Variants in KIFC3 observed in about 807,000 individuals in gnomAD.
KIFC3 encodes kinesin-like protein KIFC3.
Under a neutral mutation model 101.8 loss-of-function variants are expected in KIFC3, and 60 were observed. That is an observed-to-expected ratio of 0.59 (90% CI 0.48 to 0.73). The LOEUF (loss-of-function observed/expected upper bound fraction) is 0.73, where lower values mean the gene tolerates loss of function less well. Among genes scored for constraint, KIFC3 ranks in the 30% least tolerant of loss-of-function variants. The probability of loss-of-function intolerance (pLI) is 0.00; values close to 1 mark genes in which losing one functional copy is unlikely to be tolerated. For synonymous variants in KIFC3, 476 were observed against 482.7 expected (o/e 0.99, Z 0.18); for missense variants, 966 against 1,137.1 (o/e 0.85, Z 2.16).
At chr16:57,781,590 A>T (rs555604704) in intron 3 of KIFC3, among the ~76,000 whole-genome samples, 22 of 152,302 alleles carry the variant, frequency 1.4e-4, no homozygotes, top group African/African-American at 4.8e-4. Context: ...CTCTCAGTAA[A>T]TACAAACACC....
intron 1 of KIFC3, among the ~76,000 whole-genome samples, chr16:57,833,599 C>T (rs1009115230): frequency 5.9e-5 from 9 of 152,156 alleles, no homozygotes; most frequent in Non-Finnish European, 1.3e-4. Context: ...TCCCAGGACC[C>T]AGAGATCGGG....
At chr16:57,816,336 G>A (rs1555628814) in intron 1 of KIFC3, 1 of 1,072,406 alleles carries the variant, frequency 9.3e-7, no homozygotes, top group South Asian at 1.3e-5. Flanking sequence ...TGTGTCTTCA[G>A]GATCCTGGGG....
At chr16:57,778,049 T>A (rs575795678) in intron 3 of KIFC3, among the ~76,000 whole-genome samples, 1 of 152,058 alleles carries the variant, frequency 6.6e-6, no homozygotes, top group South Asian at 2.1e-4. Context: ...GAGGCCAAGG[T>A]AGGAGGAGTG....
intron 11 of KIFC3, chr16:57,764,525 G>A (rs2148883639): frequency 4.6e-6 from 2 of 431,454 alleles, no homozygotes; most frequent in Non-Finnish European, 8.5e-6. Context: ...CTCAGCACAA[G>A]GAAGGTGGAG....
At chr16:57,811,793 G>A (rs1234498462) in intron 1 of KIFC3, among the ~76,000 whole-genome samples, 3 of 151,782 alleles carry the variant, frequency 2.0e-5, no homozygotes, top group African/African-American at 7.3e-5. Context: ...GCATAAGCTT[G>A]TAAACCCAGC....
chr16:57,765,027 G>C (rs930451867), intron 11 of KIFC3, among the ~76,000 whole-genome samples: 23 of 151,626 alleles, frequency 1.5e-4, no homozygotes, highest in African/African-American at 4.1e-4. Flanking sequence ...TGAATGGGAG[G>C]ACCCAAAGCC....
At chr16:57,836,666 A>G (rs1014750521) in intron 1 of KIFC3, among the ~76,000 whole-genome samples, 1 of 152,134 alleles carries the variant, frequency 6.6e-6, no homozygotes, top group Non-Finnish European at 1.5e-5. Flanking sequence ...TCAGCCCTTT[A>G]TGGGACATCT....
At chr16:57,768,509 TCACACA>T (rs61591593) in intron 9 of KIFC3, among the ~76,000 whole-genome samples, 11 of 139,024 alleles carry the variant, frequency 7.9e-5, no homozygotes, top group African/African-American at 1.1e-4. Context: ...CCATATATTC[TCACACA>T]CACACACACA....
In KIFC3 at chr16:57,846,747, A is replaced by G. The variant is rs532936350; in HGVS notation, c.108+15982T>C. Among the ~76,000 whole-genome samples the G allele has an allele frequency of 2.0e-5, 3 of 152,246 alleles. No homozygotes were observed. The South Asian group carries it at 6.2e-4, about 32-fold the overall frequency. On this transcript the variant is annotated intron_variant, in intron 1 of 2. Transcript: ENST00000563028. ...TAGGTACAATTTCTTTCCCAAACAA[A>G]CACTCACGTATTGGGTTTTGAGAAA...
chr16:57,849,644 T>A (rs2056006408), intron 1 of KIFC3, among the ~76,000 whole-genome samples: 1 of 152,182 alleles, frequency 6.6e-6, no homozygotes, highest in South Asian at 2.1e-4. Flanking sequence ...GGCTGATGCC[T>A]GTAATTCCAG....
At chr16:57,806,607 A>G (rs2054943444), upstream of KIFC3, among the ~76,000 whole-genome samples, 1 of 152,238 alleles carries the variant, frequency 6.6e-6, no homozygotes, top group Non-Finnish European at 1.5e-5. Context: ...CATAGAATTC[A>G]GAAGGGAAGA....
At chr16:57,827,543 T>C (rs1421209494) in intron 1 of KIFC3, among the ~76,000 whole-genome samples, 1 of 152,200 alleles carries the variant, frequency 6.6e-6, no homozygotes, top group Non-Finnish European at 1.5e-5. Context: ...TTCCTGGAGC[T>C]TCCGTTCTGC....
chr16:57,816,229 C>A, intron 1 of KIFC3: 1 of 1,288,218 alleles, frequency 7.8e-7, no homozygotes, highest in Non-Finnish European at 1.0e-6. Flanking sequence ...GGTGAGAAAA[C>A]CGAGGCCCGG....
intron 3 of KIFC3, among the ~76,000 whole-genome samples, chr16:57,791,339 G>C (rs1555620261): frequency 2.0e-5 from 3 of 152,246 alleles, no homozygotes; most frequent in Non-Finnish European, 4.4e-5. Flanking sequence ...ACAGCAGCTG[G>C]AAGTTTCCAT....
chr16:57,815,483 C>T (rs1598197230), intron 1 of KIFC3: 1 of 1,243,820 alleles, frequency 8.0e-7, no homozygotes, highest in East Asian at 5.7e-5. Context: ...TGCCCATCAC[C>T]CCCAACCTGG....
At chr16:57,765,221 A>C (rs1173501045) in intron 11 of KIFC3, among the ~76,000 whole-genome samples, 1 of 151,758 alleles carries the variant, frequency 6.6e-6, no homozygotes, top group East Asian at 1.9e-4. Flanking sequence ...AACCACAGCC[A>C]TGGGAGGGGA....
rs368668183 is a variant in KIFC3 at position 57,818,403 on chromosome 16, C to T, written c.109-20121G>A. 4.7e-4 allele frequency among the ~76,000 whole-genome samples: 71 copies of T among 151,930 alleles called. No homozygotes were observed. The South Asian group carries it at 0.014, about 29-fold the overall frequency. On this transcript the variant is annotated intron_variant, in intron 1 of 2. Coordinates refer to the KIFC3 transcript ENST00000563028. ...CTTTTGAGAATGGATATCCCTCTGTCACCCAGGCTGGAGTACAGTGGCACA... is the reference window on the plus strand; with the variant it reads ...CTTTTGAGAATGGATATCCCTCTGTTACCCAGGCTGGAGTACAGTGGCACA...
chr16:57,786,361 A>C (rs1354202005), intron 3 of KIFC3, among the ~76,000 whole-genome samples: 2 of 152,224 alleles, frequency 1.3e-5, no homozygotes, highest in Non-Finnish European at 2.9e-5. Context: ...ACCAGGAACG[A>C]GAGAGATGGA....
intron 1 of KIFC3, chr16:57,813,667 C>T (rs1193247752): frequency 2.0e-6 from 2 of 985,168 alleles, no homozygotes; most frequent in African/African-American, 1.7e-5. Context: ...TGAAGCAAAC[C>T]TCCCACCTGG....
Sources: allele counts gnomAD v4.1 joint callset (sites outside exome capture counted in the v4.1 genomes callset), GRCh38; gene constraint gnomAD v4.1.1; transcripts MANE v1.5; gene names NCBI Gene and HGNC (gene_info 2026-07-23, HGNC 2026-07-21).